Variants in KCND2 observed in about 807,000 individuals in gnomAD.
KCND2 encodes the protein potassium voltage-gated channel subfamily D member 2, also known as A-type voltage-gated potassium channel KCND2.
KCND2 carries 16 observed loss-of-function variants against 54.4 expected under a neutral mutation model. That is an observed-to-expected ratio of 0.29 (90% CI 0.20 to 0.45). The LOEUF is 0.45. Ranked by LOEUF, KCND2 falls within the 20% of genes least tolerant of loss-of-function variation. The pLI is 1.00. For synonymous variants in KCND2, 317 were observed against 310.7 expected, an observed-to-expected ratio of 1.02 and a Z score of -0.21; for missense variants, 486 against 824.2, an observed-to-expected ratio of 0.59 and a Z score of 5.02.
At chr7:120,597,239 G>T (rs964575685) in intron 1 of KCND2, among the ~76,000 whole-genome samples, 2 of 152,146 alleles carry the variant, frequency 1.3e-5, no homozygotes, top group African/African-American at 4.8e-5. Flanking sequence ...ATGTCTGATT[G>T]GATGTAGAGG....
chr7:120,479,962 CAAAA>C (rs35246643), intron 1 of KCND2, among the ~76,000 whole-genome samples: 1 of 68,882 alleles, frequency 1.5e-5, no homozygotes, highest in Non-Finnish European at 3.1e-5. Context: ...GTAAGACTGT[CAAAA>C]AAAAAAAAAA....
chr7:120,309,502 CATAT>C (rs1247461943), intron 1 of KCND2, among the ~76,000 whole-genome samples: 6 of 133,412 alleles, frequency 4.5e-5, no homozygotes, highest in Non-Finnish European at 8.1e-5. Context: ...CACACACACA[CATAT>C]GTATGTATAT....
intron 1 of KCND2, among the ~76,000 whole-genome samples, chr7:120,562,579 T>C (rs563293163): frequency 3.9e-5 from 6 of 152,278 alleles, no homozygotes; most frequent in African/African-American, 1.4e-4. Flanking sequence ...TTTTTCTGAA[T>C]AATCACATCT....
intron 1 of KCND2, among the ~76,000 whole-genome samples, chr7:120,458,381 G>C (rs1802233281): frequency 6.6e-6 from 1 of 152,118 alleles, no homozygotes; most frequent in Non-Finnish European, 1.5e-5. Flanking sequence ...TACCAACCAA[G>C]ACTCAATAGA....
intron 1 of KCND2, among the ~76,000 whole-genome samples, chr7:120,532,192 T>A (rs1791851143): frequency 6.6e-6 from 1 of 152,050 alleles, no homozygotes; most frequent in African/African-American, 2.4e-5. Flanking sequence ...ATCATTTCTT[T>A]TAAATTAAAA....
chr7:120,486,212 A>G (rs1383524795), intron 1 of KCND2, among the ~76,000 whole-genome samples: 1 of 152,196 alleles, frequency 6.6e-6, no homozygotes, highest in African/African-American at 2.4e-5. Flanking sequence ...AAATGAAAAC[A>G]TAAAACCAGG....
intron 1 of KCND2, among the ~76,000 whole-genome samples, chr7:120,605,126 A>G (rs1027601200): frequency 6.6e-6 from 1 of 152,218 alleles, no homozygotes; most frequent in African/African-American, 2.4e-5. Context: ...ACATTTGGCA[A>G]TGTTTGGAAA....
chr7:120,564,570 A>G (rs1792274326), intron 1 of KCND2, among the ~76,000 whole-genome samples: 1 of 152,142 alleles, frequency 6.6e-6, no homozygotes. Flanking sequence ...CTCTTTGGAG[A>G]TTTCTACATA....
rs1792978890 is a variant in KCND2, at chr7:120,613,210, G to A, written c.1116-119693G>A. On this transcript the variant is annotated intron_variant, in intron 1 of 5. Coordinates refer to ENST00000331113, the MANE Select transcript of KCND2 (RefSeq NM_012281.3). Reference sequence around the variant, plus strand: ...CGGTTTTCGTAACTCTCTGCTTGCAGATAGTTGAGTAACTAAAGCCTCAAG... The same window carrying A: ...CGGTTTTCGTAACTCTCTGCTTGCAAATAGTTGAGTAACTAAAGCCTCAAG... 2.0e-5 allele frequency among the ~76,000 whole-genome samples: 3 copies of A among 152,028 alleles called. No homozygotes were observed. In the South Asian group the frequency reaches 6.2e-4, roughly 31 times the overall value.
chr7:120,551,574 T>C (rs758916967), intron 1 of KCND2, among the ~76,000 whole-genome samples: 33 of 152,192 alleles, frequency 2.2e-4, no homozygotes, highest in Non-Finnish European at 4.3e-4. Flanking sequence ...AGATATACTA[T>C]TGCATTTGTT....
chr7:120,400,217 A>G (rs1484229128), intron 1 of KCND2, among the ~76,000 whole-genome samples: 3 of 152,202 alleles, frequency 2.0e-5, no homozygotes, highest in Non-Finnish European at 4.4e-5. Flanking sequence ...AACAATTTGT[A>G]TATTAACACA....
intron 1 of KCND2, among the ~76,000 whole-genome samples, chr7:120,656,108 C>G (rs1791800518): frequency 6.6e-6 from 1 of 152,070 alleles, no homozygotes; most frequent in South Asian, 2.1e-4. Context: ...ATTCTATCAA[C>G]TCTTTATTGA....
At chr7:120,446,528 T>A (rs1449394735) in intron 1 of KCND2, among the ~76,000 whole-genome samples, 1 of 150,080 alleles carries the variant, frequency 6.7e-6, no homozygotes, top group East Asian at 2.0e-4. Flanking sequence ...AGATTTCCAA[T>A]ATTATACCAT....
intron 1 of KCND2, among the ~76,000 whole-genome samples, chr7:120,524,869 A>G (rs929211812): frequency 6.6e-6 from 1 of 152,154 alleles, no homozygotes; most frequent in South Asian, 2.1e-4. Flanking sequence ...TTTCTTGGGA[A>G]TGTGTTCAAC....
intron 1 of KCND2, among the ~76,000 whole-genome samples, chr7:120,473,776 C>T (rs1488750107): frequency 1.3e-5 from 2 of 152,192 alleles, no homozygotes; most frequent in Non-Finnish European, 2.9e-5. Flanking sequence ...ATTCAACTTT[C>T]ATGGATAAAA....
At chr7:120,677,524 T>TATATATATATAGATATAG (rs1554384944) in intron 1 of KCND2, among the ~76,000 whole-genome samples, 5 of 128,976 alleles carry the variant, frequency 3.9e-5, no homozygotes, top group African/African-American at 1.7e-4. Flanking sequence ...CAAATATATA[T>TATATATATATAGATATAG]ATATAGATAT....
At chr7:120,390,824 A>G (rs1021819372) in intron 1 of KCND2, among the ~76,000 whole-genome samples, 6 of 152,086 alleles carry the variant, frequency 3.9e-5, no homozygotes, top group African/African-American at 1.2e-4. Flanking sequence ...TTTCTTCCCT[A>G]TGAATCCAAA....
chr7:120,606,407 C>A (rs1792882874), intron 1 of KCND2, among the ~76,000 whole-genome samples: 1 of 151,820 alleles, frequency 6.6e-6, no homozygotes, highest in Non-Finnish European at 1.5e-5. Context: ...CTTTCTTTTT[C>A]TTCTGTTGCT....
intron 1 of KCND2, among the ~76,000 whole-genome samples, chr7:120,706,113 C>T (rs180799987): frequency 2.0e-5 from 3 of 152,134 alleles, no homozygotes; most frequent in East Asian, 1.9e-4. Context: ...GATAGTACCC[C>T]GACATAAAAC....
Sources: allele counts gnomAD v4.1 joint callset (sites outside exome capture counted in the v4.1 genomes callset), GRCh38; gene constraint gnomAD v4.1.1; transcripts MANE v1.5; gene names NCBI Gene and HGNC (gene_info 2026-07-23, HGNC 2026-07-21).